Variants in IFT70B observed in about 807,000 individuals in gnomAD.
The protein encoded by IFT70B is intraflagellar transport protein 70B.
the IFT70B span, chr2:177,552,632 G>C: frequency 1.9e-6 from 3 of 1,588,646 alleles, no homozygotes; most frequent in Non-Finnish European, 2.6e-6. Context: ...GGCCGGCGCG[G>C]CTCCTAGGGC....
the IFT70B span, chr2:177,550,865 G>C: frequency 9.2e-5 from 149 of 1,613,838 alleles, no homozygotes; most frequent in Non-Finnish European, 1.2e-4. Flanking sequence ...CTTCTTCCAG[G>C]GGTTGTTCAA....
the IFT70B span, chr2:177,551,112 C>G: frequency 6.2e-7 from 1 of 1,614,134 alleles, no homozygotes; most frequent in Non-Finnish European, 8.5e-7. Flanking sequence ...ATAAAGAGTT[C>G]CTATCACCAA....
the IFT70B span, chr2:177,552,272 G>A: frequency 2.5e-6 from 4 of 1,614,226 alleles, no homozygotes; most frequent in South Asian, 2.2e-5. Flanking sequence ...CCTCCTTGTA[G>A]AGCAAACAAC....
chr2:177,552,655 C>G, the IFT70B span: 2 of 1,589,918 alleles, frequency 1.3e-6, no homozygotes, highest in South Asian at 1.1e-5. Context: ...CGCTGCAGTT[C>G]TCCGCCCAGC....
the IFT70B span, chr2:177,551,015 C>G: frequency 1.2e-6 from 2 of 1,614,158 alleles, no homozygotes; most frequent in Non-Finnish European, 1.7e-6. Context: ...TGGCATAATA[C>G]CAGGTGTCTG....
At chr2:177,550,854 T>C in the IFT70B span, 1 of 1,614,152 alleles carries the variant, frequency 6.2e-7, no homozygotes, top group Non-Finnish European at 8.5e-7. Flanking sequence ...ATGCATTCTT[T>C]CTTCTTCCAG....
chr2:177,551,825 G>A, the IFT70B span: 5 of 1,614,254 alleles, frequency 3.1e-6, no homozygotes, highest in Non-Finnish European at 4.2e-6. Flanking sequence ...GATTCTGTTG[G>A]AGCAAAAACT....
the IFT70B span, chr2:177,550,867 G>T: frequency 1.9e-5 from 30 of 1,613,912 alleles, no homozygotes; most frequent in Non-Finnish European, 2.5e-5. Context: ...TCTTCCAGGG[G>T]TTGTTCAATA....
At chr2:177,550,622 G>T in the IFT70B span, 1 of 683,034 alleles carries the variant, frequency 1.5e-6, no homozygotes, top group Non-Finnish European at 2.2e-6. Flanking sequence ...AAATTTAACA[G>T]CAAAAGTTTT....
At chr2:177,551,614 C>G in the IFT70B span, 1 of 1,614,208 alleles carries the variant, frequency 6.2e-7, no homozygotes. Context: ...GTCAGCATCC[C>G]TGCTAGCCCA....
the IFT70B span, chr2:177,551,307 A>G: frequency 6.2e-7 from 1 of 1,613,534 alleles, no homozygotes; most frequent in Non-Finnish European, 8.5e-7. Flanking sequence ...ATGCTTCTTG[A>G]CTATGGGTTC....
At chr2:177,551,986 T>A in the IFT70B span, 1 of 1,614,238 alleles carries the variant, frequency 6.2e-7, no homozygotes, top group Non-Finnish European at 8.5e-7. Context: ...TGGTATTCTA[T>A]AGCTGCCTTA....
chr2:177,552,662 C>A, the IFT70B span: 2 of 1,590,612 alleles, frequency 1.3e-6, no homozygotes, highest in Non-Finnish European at 1.7e-6. Context: ...GTTCTCCGCC[C>A]AGCAGCTGCA....
chr2:177,549,288 A>G, the IFT70B span: 2 of 152,254 alleles, frequency 1.3e-5, no homozygotes. Flanking sequence ...AAAATGCCAT[A>G]AATTCAAAAC....
the IFT70B span, chr2:177,551,912 C>T: frequency 6.2e-7 from 1 of 1,614,246 alleles, no homozygotes; most frequent in Non-Finnish European, 8.5e-7. Flanking sequence ...CAGGGTCCAA[C>T]TCTTCCTCTG....
the IFT70B span, chr2:177,550,327 A>G: frequency 6.5e-6 from 1 of 153,598 alleles, no homozygotes; most frequent in Non-Finnish European, 1.4e-5. Flanking sequence ...TAAAGTCTAT[A>G]TAAAAAGTAT....
the IFT70B span, chr2:177,550,638 C>T: frequency 4.3e-6 from 3 of 695,306 alleles, no homozygotes; most frequent in South Asian, 3.6e-5. Context: ...GTTTTAGCTA[C>T]TTTTTTTTTT....
the IFT70B span, chr2:177,552,484 G>A: frequency 6.2e-7 from 1 of 1,610,890 alleles, no homozygotes; most frequent in Non-Finnish European, 8.5e-7. Context: ...TCCGCATAAA[G>A]GCAGGCCTTG....
At chr2:177,551,070 GA>G in the IFT70B span, 8 of 1,614,014 alleles carry the variant, frequency 5.0e-6, no homozygotes, top group Non-Finnish European at 5.9e-6. Flanking sequence ...GATAACTCGA[GA>G]AATACCAAAG....
Sources: gnomAD v4.1 joint callset for allele counts on GRCh38, gnomAD v4.1.1 for gene constraint, MANE v1.5 for transcripts, NCBI Gene and HGNC (gene_info 2026-07-23, HGNC 2026-07-21) for gene names.